FANCC: variants seen among roughly 807,000 people sequenced by gnomAD.
The protein encoded by FANCC is Fanconi anemia group C protein.
A neutral mutation model predicts 71.3 loss-of-function variants in FANCC; 55 were observed. The ratio of observed to expected loss-of-function variants is 0.77; its 90% CI spans 0.62 to 0.97. The LOEUF is 0.97. Ranked by LOEUF, FANCC falls within the 50% of genes least tolerant of loss-of-function variation. FANCC has a pLI of 0.00. For synonymous variants in FANCC, 275 were observed against 244.9 expected (o/e 1.12, Z -1.15); for missense variants, 678 against 670.9 (o/e 1.01, Z -0.12).
intron 4 of FANCC, among the ~76,000 whole-genome samples, chr9:95,215,182 T>C (rs1395625050): frequency 6.6e-6 from 1 of 152,194 alleles, no homozygotes; most frequent in Non-Finnish European, 1.5e-5. Context: ...AGATCACTGC[T>C]TCTGCAGTAA....
intron 4 of FANCC, among the ~76,000 whole-genome samples, chr9:95,200,898 T>A (rs1827765922): frequency 6.6e-6 from 1 of 152,186 alleles, no homozygotes; most frequent in Admixed American, 6.5e-5. Context: ...GAACCAGGAA[T>A]AAAACCGTCT....
chr9:95,139,652 T>A (rs1260786482), intron 7 of FANCC, among the ~76,000 whole-genome samples: 2 of 151,690 alleles, frequency 1.3e-5, no homozygotes, highest in African/African-American at 2.4e-5. Flanking sequence ...GATGTGGCTA[T>A]GGTGTAATGC....
chr9:95,139,771 G>A (rs936303664), intron 7 of FANCC, among the ~76,000 whole-genome samples: 5 of 149,462 alleles, frequency 3.3e-5, no homozygotes, highest in Non-Finnish European at 5.9e-5. Flanking sequence ...AGGAGGTAAT[G>A]AACATTTTCT....
intron 4 of FANCC, among the ~76,000 whole-genome samples, chr9:95,180,606 TG>T (rs966884490): frequency 6.6e-6 from 1 of 151,960 alleles, no homozygotes; most frequent in African/African-American, 2.4e-5. Flanking sequence ...CCCAAAGCAC[TG>T]GGATTATAGG....
At chr9:95,179,846 A>G (rs967279831) in intron 4 of FANCC, among the ~76,000 whole-genome samples, 43 of 152,228 alleles carry the variant, frequency 2.8e-4, no homozygotes, top group Non-Finnish European at 2.5e-4. Context: ...TGTCAGGTCT[A>G]TTACACCATT....
At chr9:95,244,707 A>AC (rs1830849457) in intron 3 of FANCC, among the ~76,000 whole-genome samples, 2 of 149,610 alleles carry the variant, frequency 1.3e-5, no homozygotes, top group Non-Finnish European at 3.0e-5. Context: ...AAAAAAAAAA[A>AC]AAAAAACCCA....
At chr9:95,128,738 T>C (rs1470945739) in intron 8 of FANCC, among the ~76,000 whole-genome samples, 2 of 152,228 alleles carry the variant, frequency 1.3e-5, no homozygotes, top group Non-Finnish European at 2.9e-5. Context: ...TTCTTCCCCA[T>C]ACAGATGGAC....
At chr9:95,162,320 G>A (rs973232767) in intron 6 of FANCC, among the ~76,000 whole-genome samples, 4 of 152,162 alleles carry the variant, frequency 2.6e-5, no homozygotes, top group South Asian at 2.1e-4. Context: ...ATCTTCCAAT[G>A]TGTATATATA....
At chr9:95,135,287 G>T (rs1185715821) in intron 8 of FANCC, 59 bp downstream of exon 8, 15 of 1,536,382 alleles carry the variant, frequency 9.8e-6, no homozygotes, top group African/African-American at 1.4e-5. Context: ...CTGACTAAAA[G>T]AAATGATTCC....
chr9:95,146,601 T>C (rs1398432610), intron 7 of FANCC, among the ~76,000 whole-genome samples: 2 of 152,138 alleles, frequency 1.3e-5, no homozygotes, highest in East Asian at 3.8e-4. Flanking sequence ...AGTATCATTT[T>C]AAAATCACAT....
Position 95,101,723 on chromosome 9 carries a change from A to C in FANCC, c.1661T>G (p.Leu554Arg). The C allele has an allele frequency of 2.5e-6, 4 of 1,614,026 alleles. No individual in the cohort carries two copies. Among genetic ancestry groups the C allele is most frequent in the Non-Finnish European group, 2.5e-6 (3 of 1,179,992 alleles). Residue 554 changes from leucine to arginine, a missense_variant, in exon 15 of 15, where the codon CTG becomes CGG. Transcript: ENST00000289081. ...GCGTGCCTTCTAGACTTGAGTTCGC[A>C]GCTCTTTAAGGAGCTCTCGGGCCAG... ...EKLARELLKE[L>R]RTQV
At chr9:95,248,517 A>G (rs942510876) in intron 2 of FANCC, among the ~76,000 whole-genome samples, 2 of 152,218 alleles carry the variant, frequency 1.3e-5, no homozygotes, top group Non-Finnish European at 2.9e-5. Context: ...TTAACACAAG[A>G]ACACTTTGTT....
intron 1 of FANCC, among the ~76,000 whole-genome samples, chr9:95,314,443 G>A (rs1835611905): frequency 6.6e-6 from 1 of 152,136 alleles, no homozygotes; most frequent in Non-Finnish European, 1.5e-5. Flanking sequence ...CACGAGGTCA[G>A]GAGTTTGAGA....
intron 1 of FANCC, among the ~76,000 whole-genome samples, chr9:95,314,925 C>T (rs2136440614): frequency 6.6e-6 from 1 of 152,064 alleles, no homozygotes; most frequent in Non-Finnish European, 1.5e-5. Flanking sequence ...TCTATCACAG[C>T]ACGGTTTTCT....
chr9:95,295,306 C>A (rs1375820804), intron 1 of FANCC, among the ~76,000 whole-genome samples: 1 of 151,884 alleles, frequency 6.6e-6, no homozygotes, highest in Non-Finnish European at 1.5e-5. Context: ...GTGTTAATAT[C>A]CAGAATATAT....
chr9:95,129,416 G>GT (rs1826522489), intron 8 of FANCC, among the ~76,000 whole-genome samples: 2 of 151,962 alleles, frequency 1.3e-5, no homozygotes. Context: ...TTTGGAAGCC[G>GT]TATCTTCCCC....
intron 4 of FANCC, among the ~76,000 whole-genome samples, chr9:95,199,836 C>G (rs771994829): frequency 6.6e-6 from 1 of 152,130 alleles, no homozygotes; most frequent in Non-Finnish European, 1.5e-5. Flanking sequence ...AAAAGTTTTA[C>G]ATTTTAAGAA....
At chr9:95,231,221 C>T (rs1266944755) in intron 4 of FANCC, among the ~76,000 whole-genome samples, 1 of 152,184 alleles carries the variant, frequency 6.6e-6, no homozygotes, top group Non-Finnish European at 1.5e-5. Context: ...TTTCTGAGAT[C>T]TATATGCAAT....
At chr9:95,149,038 G>A (rs1439201934) in intron 7 of FANCC, among the ~76,000 whole-genome samples, 1 of 151,652 alleles carries the variant, frequency 6.6e-6, no homozygotes, top group Non-Finnish European at 1.5e-5. Context: ...AATGAGACTT[G>A]CAAAAATGTA....
Sources: gnomAD v4.1 joint callset for allele counts (sites outside exome capture counted in the v4.1 genomes callset) on GRCh38, gnomAD v4.1.1 for gene constraint, MANE v1.5 for transcripts, NCBI Gene and HGNC (gene_info 2026-07-23, HGNC 2026-07-21) for gene names.